MED14: variants seen among roughly 807,000 people sequenced by gnomAD.
The protein encoded by MED14 is mediator of RNA polymerase II transcription subunit 14.
In MED14, 8 loss-of-function variants were observed where a neutral mutation model predicts 109.0. The observed-to-expected ratio is 0.07, with a 90% CI of 0.04 to 0.13. MED14 has a LOEUF of 0.13. Ranked by LOEUF, MED14 falls within the 10% of genes least tolerant of loss-of-function variation. MED14 has a pLI of 1.00. For synonymous variants in MED14, 399 were observed against 408.7 expected, an observed-to-expected ratio of 0.98 and a Z score of 0.29; for missense variants, 711 against 1,142.4, an observed-to-expected ratio of 0.62 and a Z score of 5.44.
At chrX:40,691,134 GTGCAGGTC>G (rs1446763240) in intron 15 of MED14, among the ~76,000 whole-genome samples, 1 of 112,490 alleles carries the variant, frequency 8.9e-6, no homozygotes, top group Non-Finnish European at 1.9e-5. Context: ...AATACAAAAA[GTGCAGGTC>G]TGTTACCTCC....
intron 1 of MED14, among the ~76,000 whole-genome samples, chrX:40,733,383 A>G (rs1408074372): frequency 8.9e-6 from 1 of 111,889 alleles, no homozygotes; most frequent in African/African-American, 3.3e-5. Flanking sequence ...GATTACAGGT[A>G]TAAGCCACCA....
intron 1 of MED14, among the ~76,000 whole-genome samples, chrX:40,732,636 T>G: frequency 9.1e-6 from 1 of 109,294 alleles, no homozygotes. Context: ...AAAAATTAGC[T>G]GGGCGTGGTG....
At position 40,724,000 on chromosome X, in the gene MED14, T is replaced by A. The variant is rs956420119; in HGVS notation, c.348+2746A>T. On this transcript the variant is annotated intron_variant, in intron 3 of 30. Coordinates refer to ENST00000324817, the MANE Select transcript of MED14 (RefSeq NM_004229.4). Reference sequence around the variant, plus strand: ...CATACATAGACTGAAAATAAAGGGATGGGAAAAGATTTATATGTCAACAGA... The same window carrying A: ...CATACATAGACTGAAAATAAAGGGAAGGGAAAAGATTTATATGTCAACAGA... Among the ~76,000 whole-genome samples the A allele has an allele frequency of 3.6e-5, 4 of 111,235 alleles. No individual in the cohort carries two copies. In the Admixed American group the frequency reaches 3.8e-4, roughly 11 times the overall value.
intron 12 of MED14, among the ~76,000 whole-genome samples, chrX:40,700,154 A>T (rs976790776): frequency 3.7e-5 from 4 of 108,687 alleles, no homozygotes; most frequent in African/African-American, 1.3e-4. Context: ...GTCTCAATAA[A>T]AAATAAATAA....
chrX:40,692,212 T>C lies in MED14; in HGVS notation c.1951A>G (p.Asn651Asp), dbSNP rs889854074. 2 of 1,210,268 alleles carry C rather than the reference T, an allele frequency of 1.7e-6. No individual in the cohort carries two copies. Among genetic ancestry groups the C allele is most frequent in the African/African-American group, 3.5e-5 (2 of 57,760 alleles). ...AACCGAAGTCCTACAAATGGCATAT[T>C]TGTATCACACATAGCGACGAAGTGG... ...LAHFVAMCDTNMPFVGLRLEL... is the reference protein window; with the variant it reads ...LAHFVAMCDTDMPFVGLRLEL... The change falls in exon 15 of 31, where the codon AAT (asparagine) becomes GAT (aspartate). Residue 651 changes from asparagine (N) to aspartate (D), a missense_variant. Coordinates refer to ENST00000324817, the MANE Select transcript of MED14 (RefSeq NM_004229.4).
At chrX:40,701,136 T>G in intron 12 of MED14, 29 bp downstream of exon 12, 1 of 1,057,772 alleles carries the variant, frequency 9.5e-7, no homozygotes, top group Non-Finnish European at 1.3e-6. Context: ...GTTTCCATTT[T>G]TAGTCTTGAG....
At chrX:40,701,060 T>C (rs1930917884) in intron 12 of MED14, 105 bp downstream of exon 12, 1 of 516,889 alleles carries the variant, frequency 1.9e-6, no homozygotes, top group Non-Finnish European at 3.1e-6. Flanking sequence ...TTTCATGTCA[T>C]AAACCTTAAG....
At chrX:40,719,946 A>G (rs780499743) in intron 3 of MED14, among the ~76,000 whole-genome samples, 1 of 112,338 alleles carries the variant, frequency 8.9e-6, no homozygotes, top group South Asian at 3.7e-4. Context: ...CACATCTGGC[A>G]TGGCTAAAGA....
chrX:40,696,690 A>G (rs1452095723), intron 13 of MED14, among the ~76,000 whole-genome samples: 1 of 111,936 alleles, frequency 8.9e-6, no homozygotes. Flanking sequence ...ATACAAGTTA[A>G]TATTTCAAGT....
intron 11 of MED14, among the ~76,000 whole-genome samples, chrX:40,702,345 T>C (rs938064848): frequency 1.1e-5 from 1 of 90,697 alleles, no homozygotes; most frequent in African/African-American, 5.6e-5. Context: ...ATATAAGTTT[T>C]GTTTTTTTTT....
chrX:40,649,569 T>C lies in MED14; in HGVS notation c.*2237A>G. 1.1e-6 allele frequency: 1 copy of C among 881,587 alleles called. No homozygotes were observed. The allele number at this position is 881,587 out of a possible 1,213,427, so 72.7% of individuals were successfully genotyped here. ...TCTCTGAAACTTTGTATAAATTTTA[T>C]TTATTACTGTAAATACTAAAATCAC... On this transcript the variant is annotated 3_prime_UTR_variant, in exon 31 of 31. Coordinates refer to ENST00000324817, the MANE Select transcript of MED14 (RefSeq NM_004229.4).
intron 26 of MED14, among the ~76,000 whole-genome samples, chrX:40,661,661 T>C (rs1289350297): frequency 8.9e-6 from 1 of 112,421 alleles, no homozygotes; most frequent in Non-Finnish European, 1.9e-5. Flanking sequence ...AGGTAAATAC[T>C]ATTATCTGAA....
chrX:40,656,882 G>C (rs773962551), intron 28 of MED14, among the ~76,000 whole-genome samples: 11 of 112,103 alleles, frequency 9.8e-5, no homozygotes, highest in Non-Finnish European at 2.1e-4. Context: ...GGGTGGAAAG[G>C]CATCTTTTTA....
chrX:40,648,547 A>G lies in MED14; in HGVS notation c.*3259T>C, dbSNP rs956826710. 1.8e-5 allele frequency: 2 copies of G among 112,222 alleles called. No homozygotes were observed. Among genetic ancestry groups the G allele is most frequent in the African/African-American group, 6.5e-5 (2 of 30,829 alleles). The allele number at this position is 112,222 out of a possible 1,213,427, so 9.2% of individuals were successfully genotyped here. ...CATTTCTCTGGGCCTCCATTTACTC[A>G]TTTTTAAGAAGAGGATATCAATAAC... On this transcript the variant is annotated 3_prime_UTR_variant, in exon 31 of 31. Coordinates refer to ENST00000324817, the MANE Select transcript of MED14 (RefSeq NM_004229.4).
intron 3 of MED14, among the ~76,000 whole-genome samples, chrX:40,726,122 C>A (rs951652579): frequency 9.0e-5 from 10 of 111,529 alleles, no homozygotes; most frequent in African/African-American, 3.3e-4. Context: ...ATTTTAGCAT[C>A]TTTGGTACAC....
intron 23 of MED14, among the ~76,000 whole-genome samples, chrX:40,669,392 G>A (rs1369637366): frequency 9.0e-6 from 1 of 111,303 alleles, no homozygotes; most frequent in African/African-American, 3.3e-5. Context: ...CCTAGGGGTG[G>A]ACTCAACCAC....
chrX:40,666,686 C>T, intron 24 of MED14, 34 bp downstream of exon 24: 1 of 1,198,708 alleles, frequency 8.3e-7, no homozygotes. Flanking sequence ...ACATCAAGCT[C>T]TTATGCTATA....
At chrX:40,709,207 A>T (rs1931249421) in intron 10 of MED14, 141 bp downstream of exon 10, 2 of 307,663 alleles carry the variant, frequency 6.5e-6, no homozygotes, top group Non-Finnish European at 1.2e-5. Context: ...AGTTTGGCAG[A>T]TCACAAGTTA....
intron 12 of MED14, among the ~76,000 whole-genome samples, chrX:40,697,633 T>C (rs1930768989): frequency 8.9e-6 from 1 of 112,252 alleles, no homozygotes; most frequent in African/African-American, 3.2e-5. Flanking sequence ...GCTGCCAGAT[T>C]TCACTGACGT....
Sources: allele counts gnomAD v4.1 joint callset (sites outside exome capture counted in the v4.1 genomes callset), GRCh38; gene constraint gnomAD v4.1.1; transcripts MANE v1.5; gene names NCBI Gene and HGNC (gene_info 2026-07-23, HGNC 2026-07-21).